The following UBR1 variants were observed in gnomAD, a reference collection of about 807,000 sequenced individuals.
UBR1 encodes the protein E3 ubiquitin-protein ligase UBR1.
Under a neutral mutation model 242.1 loss-of-function variants are expected in UBR1, and 102 were observed. That is an observed-to-expected ratio of 0.42 (90% confidence interval 0.36 to 0.50). The LOEUF (loss-of-function observed/expected upper bound fraction) is 0.50. Among genes scored for constraint, UBR1 ranks in the 20% least tolerant of loss-of-function variants. UBR1 has a pLI of 0.01. For synonymous variants in UBR1, 675 were observed against 684.8 expected (o/e 0.99, Z 0.22); for missense variants, 1,772 against 2,101.8 (o/e 0.84, Z 3.07).
chr15:42,998,787 A>C (rs1432801054), intron 32 of UBR1, among the ~76,000 whole-genome samples: 1 of 152,132 alleles, frequency 6.6e-6, no homozygotes, highest in Non-Finnish European at 1.5e-5. Context: ...CAGCAGCTAG[A>C]AGAATTTTCT....
At chr15:43,019,182 C>G (rs1311358624) in intron 27 of UBR1, among the ~76,000 whole-genome samples, 1 of 152,136 alleles carries the variant, frequency 6.6e-6, no homozygotes, top group Non-Finnish European at 1.5e-5. Context: ...CTGCCTCAGC[C>G]TCCTGAGTAG....
At chr15:43,048,257 T>A in intron 13 of UBR1, 135 bp downstream of exon 13, 1 of 671,160 alleles carries the variant, frequency 1.5e-6, no homozygotes, top group Non-Finnish European at 2.5e-6. Flanking sequence ...GATGAGTGAG[T>A]CAATGTTTAA....
chr15:43,060,245 C>T (rs755051409), intron 6 of UBR1, 131 bp from the exon 7 acceptor site: 14 of 859,224 alleles, frequency 1.6e-5, no homozygotes, highest in Admixed American at 8.8e-5. Context: ...TGTAAGATAC[C>T]GGAACAATAT....
At chr15:43,091,611 G>A (rs1464794074) in intron 1 of UBR1, among the ~76,000 whole-genome samples, 1 of 151,996 alleles carries the variant, frequency 6.6e-6, no homozygotes, top group African/African-American at 2.4e-5. Flanking sequence ...AATTATATCT[G>A]TCATCACATG....
intron 12 of UBR1, among the ~76,000 whole-genome samples, chr15:43,050,098 C>T (rs1238903703): frequency 2.0e-5 from 3 of 152,050 alleles, no homozygotes; most frequent in Middle Eastern, 3.4e-3. Flanking sequence ...ACTACAGGCG[C>T]GTGCCACCAA....
At chr15:43,089,259 G>A (rs1040458770) in intron 1 of UBR1, among the ~76,000 whole-genome samples, 24 of 152,060 alleles carry the variant, frequency 1.6e-4, no homozygotes, top group African/African-American at 5.1e-4. Context: ...TTGGGAGGCC[G>A]AGAAGGGCGG....
intron 3 of UBR1, among the ~76,000 whole-genome samples, chr15:43,082,156 T>C (rs1013025977): frequency 2.0e-5 from 3 of 152,154 alleles, no homozygotes; most frequent in Non-Finnish European, 4.4e-5. Context: ...ATTTTTCTCA[T>C]TTAACAACAT....
intron 38 of UBR1, 121 bp downstream of exon 38, chr15:42,977,759 C>T: frequency 1.2e-6 from 1 of 867,104 alleles, no homozygotes; most frequent in Admixed American, 2.1e-5. Context: ...ACAGGAGAGA[C>T]CAAACTTTAT....
At chr15:42,989,976 T>C in intron 34 of UBR1, 54 bp downstream of exon 34, 1 of 1,293,556 alleles carries the variant, frequency 7.7e-7, no homozygotes, top group Non-Finnish European at 1.1e-6. Flanking sequence ...CACTGTTTCC[T>C]ACTCTTATTT....
intron 1 of UBR1, among the ~76,000 whole-genome samples, chr15:43,097,192 C>G (rs747759899): frequency 2.0e-5 from 3 of 152,036 alleles, no homozygotes; most frequent in Admixed American, 1.3e-4. Context: ...TTTTGGGTGA[C>G]CAAATGTATT....
chr15:43,047,436 C>T lies in UBR1; in HGVS notation c.1540-147G>A, dbSNP rs533965719. ...ATGCATGGGTTCAATTCCCAGCTCT[C>T]AGGTATGTGCTCAGGGTTAGAACAT... is the stretch of plus-strand genomic sequence containing the variant. On this transcript the variant is annotated intron_variant, in intron 13 of 46. Coordinates refer to ENST00000290650, the MANE Select transcript of UBR1 (RefSeq NM_174916.3). 6 of 1,205,278 alleles carry T rather than the reference C, an allele frequency of 5.0e-6. No individual in the cohort carries two copies. In the South Asian group the frequency reaches 7.5e-5, roughly 15 times the overall value. 74.7% of individuals were successfully genotyped at this position (1,205,278 alleles called of 1,614,324 possible).
At chr15:42,999,114 T>C (rs1174654630) in intron 32 of UBR1, among the ~76,000 whole-genome samples, 2 of 152,034 alleles carry the variant, frequency 1.3e-5, no homozygotes, top group Non-Finnish European at 1.5e-5. Flanking sequence ...CTAATTTTTG[T>C]ATTTTTAGCA....
chr15:42,950,350 G>C lies in UBR1; in HGVS notation c.5020C>G (p.Arg1674Gly). The change falls in exon 46 of 47, where the codon CGA becomes GGA. Residue 1674 changes from arginine (R) to glycine (G), a missense_variant. Arg to Gly is a moderately radical substitution (Grantham distance 125, BLOSUM62 -2). Coordinates refer to ENST00000290650, the MANE Select transcript of UBR1 (RefSeq NM_174916.3). ...GCTTTACCTTCAACCAGGACCACTC[G>C]GCATTCTCTGATTCTGAAAGAGAAA... Reference protein sequence around the residue: ...VCIFLKIRECRVVLVEGKARG... With the variant: ...VCIFLKIRECGVVLVEGKARG... 1 of 1,614,032 alleles carries C rather than the reference G, an allele frequency of 6.2e-7. No homozygotes were observed. The highest frequency in any genetic ancestry group is 1.1e-5 in the South Asian group (1 of 91,086).
intron 3 of UBR1, 131 bp downstream of exon 3, chr15:43,082,507 A>G (rs1463149464): frequency 5.3e-6 from 4 of 753,066 alleles, no homozygotes; most frequent in South Asian, 1.5e-5. Flanking sequence ...ATCTCTTCCA[A>G]TCTTTTCTTT....
chr15:43,040,949 G>A (rs1287789160), intron 15 of UBR1, among the ~76,000 whole-genome samples: 1 of 152,188 alleles, frequency 6.6e-6, no homozygotes, highest in East Asian at 1.9e-4. Flanking sequence ...AACAACAAGT[G>A]CTGGAGAGGA....
In UBR1 at chr15:43,026,627, T is replaced by C; in HGVS notation, c.2469A>G (p.Leu823=). 1 of 1,613,284 alleles carries C rather than the reference T, an allele frequency of 6.2e-7. No homozygotes were observed. Among genetic ancestry groups the C allele is most frequent in the South Asian group, 1.1e-5 (1 of 91,070 alleles). Residue 823 remains leucine (L), a synonymous_variant, in exon 23 of 47, where the codon CTA becomes CTG. Coordinates refer to ENST00000290650, the MANE Select transcript of UBR1 (RefSeq NM_174916.3). ...PGVSGHGVYE[L]KDESLKDFNM... ...TGAAGTCTTTCAGTGATTCATCTTT[T>C]AGTTCATAAACTCCATGGCCTGATA...
intron 21 of UBR1, 43 bp downstream of exon 21, chr15:43,029,901 C>T (rs774959125): frequency 6.2e-7 from 1 of 1,611,644 alleles, no homozygotes. Flanking sequence ...AAACATCTAC[C>T]CCATCTTGAG....
intron 33 of UBR1, among the ~76,000 whole-genome samples, chr15:42,996,427 T>A (rs547704464): frequency 2.0e-4 from 31 of 152,110 alleles, no homozygotes; most frequent in African/African-American, 7.5e-4. Flanking sequence ...CGAGACCTTG[T>A]CTCTACAAAA....
intron 40 of UBR1, among the ~76,000 whole-genome samples, chr15:42,970,179 A>G (rs983082008): frequency 6.6e-6 from 1 of 152,190 alleles, no homozygotes; most frequent in African/African-American, 2.4e-5. Context: ...GAGGCCTCAG[A>G]AATAACACCA....
Sources: allele counts gnomAD v4.1 joint callset (sites outside exome capture counted in the v4.1 genomes callset), GRCh38; gene constraint gnomAD v4.1.1; transcripts MANE v1.5; gene names NCBI Gene and HGNC (gene_info 2026-07-23, HGNC 2026-07-21).